Variants in PARP10 observed in about 807,000 individuals in gnomAD.
PARP10 encodes protein mono-ADP-ribosyltransferase PARP10.
Under a neutral mutation model 82.4 loss-of-function variants are expected in PARP10, and 56 were observed. That is an observed-to-expected ratio of 0.68 (90% CI 0.55 to 0.85). The LOEUF (loss-of-function observed/expected upper bound fraction) is 0.85, where lower values mean the gene tolerates loss of function less well. PARP10 is among the 40% of genes least tolerant of loss of function. PARP10 has a pLI of 0.00. For synonymous variants in PARP10, 576 were observed against 601.1 expected, an observed-to-expected ratio of 0.96 and a Z score of 0.61; for missense variants, 1,227 against 1,379.4, an observed-to-expected ratio of 0.89 and a Z score of 1.75.
chr8:143,991,148 C>T (rs948273096), upstream of PARP10: 18 of 1,020,414 alleles, frequency 1.8e-5, no homozygotes, highest in Non-Finnish European at 2.4e-5. Context: ...GGCTGGGTCC[C>T]GACGCTGTCG....
At chr8:144,000,810 C>T (rs1431975761) in intron 1 of PARP10, among the ~76,000 whole-genome samples, 1 of 151,994 alleles carries the variant, frequency 6.6e-6, no homozygotes, top group Non-Finnish European at 1.5e-5. Context: ...ATTGTAATAC[C>T]AGGCCAAGAC....
rs1173951967 is a variant in PARP10, at chr8:143,984,673, C to T, written c.1329G>A (p.Leu443=). 6.2e-7 allele frequency: 1 copy of T among 1,613,996 alleles called. No homozygotes were observed. The highest frequency in any genetic ancestry group is 1.3e-5 in the African/African-American group (1 of 74,892). The part of the protein sequence containing the change: ...GCVKLAGQEG[L]VEMVLLMEPG... ...GCTCCATCAATAGCACCATCTCCAC[C>T]AGGCCCTCCTGCCCTGCCAGCTTCA... is the stretch of plus-strand genomic sequence containing the variant. The change falls in exon 5 of 11, where the codon CTG becomes CTA. Residue 443 remains leucine, a synonymous_variant. Transcript: ENST00000313028.
At chr8:143,981,378 T>C (rs1554747693) in intron 9 of PARP10, among the ~76,000 whole-genome samples, 2 of 92,788 alleles carry the variant, frequency 2.2e-5, no homozygotes, top group Admixed American at 2.1e-4. Flanking sequence ...CGACAGTGAG[T>C]GGTGAAGGTG....
chr8:143,994,798 C>A (rs1342263419), upstream of PARP10, among the ~76,000 whole-genome samples: 1 of 152,194 alleles, frequency 6.6e-6, no homozygotes, highest in African/African-American at 2.4e-5. Flanking sequence ...CCGGCTATTT[C>A]CTGAGCAGGT....
chr8:143,981,193 T>C (rs980728448), intron 9 of PARP10, among the ~76,000 whole-genome samples: 2 of 151,734 alleles, frequency 1.3e-5, no homozygotes, highest in Admixed American at 6.6e-5. Flanking sequence ...GGTCAGTGCG[T>C]CTGGGTGGTG....
upstream of PARP10, chr8:143,991,310 G>GC: frequency 4.3e-6 from 6 of 1,391,536 alleles, no homozygotes; most frequent in Non-Finnish European, 3.9e-6. Context: ...AGCCACCCAT[G>GC]CCCCCCTATG....
chr8:143,977,804 A>C lies in PARP10; in HGVS notation c.2758T>G (p.Phe920Val), dbSNP rs573103244. The change falls in exon 11 of 11, where the codon TTC becomes GTC. Residue 920 changes from phenylalanine to valine, a missense_variant. Physicochemically the swap from Phe to Val is conservative, Grantham distance 50. Transcript: ENST00000313028. ...NATVYGKGVY[F>V]ARRASLSVQD... ...ACCGACAGGGAGGCGCGCCTGGCGAAATACACGCCCTTCCCGTAGACCGTG... is the reference window on the plus strand; with the variant it reads ...ACCGACAGGGAGGCGCGCCTGGCGACATACACGCCCTTCCCGTAGACCGTG... 5 of 1,601,708 alleles carry C rather than the reference A, an allele frequency of 3.1e-6. No individual in the cohort carries two copies. In the East Asian group the frequency reaches 1.1e-4, roughly 36 times the overall value.
Position 144,008,976 on chromosome 8 carries a change from G to C in PARP10, c.-80+3554C>G, listed in dbSNP as rs1351175079. On this transcript the variant is annotated intron_variant, in intron 1 of 3. Coordinates refer to the PARP10 transcript ENST00000530478. The surrounding 1 kb of genome is among the most constrained non-coding windows in gnomAD (Gnocchi z 4.0). ...GAGGCTGCAGCTTAACATTCTGGGGGACCCTGGGGGTCTTTTGAGGGCCTC... is the reference window on the plus strand; with the variant it reads ...GAGGCTGCAGCTTAACATTCTGGGGCACCCTGGGGGTCTTTTGAGGGCCTC... Among the ~76,000 whole-genome samples, 3 of 152,204 alleles carry C rather than the reference G, an allele frequency of 2.0e-5. No homozygotes were observed. Among genetic ancestry groups the C allele is most frequent in the African/African-American group, 4.8e-5 (2 of 41,436 alleles).
At chr8:143,992,907 C>A, upstream of PARP10, 4 of 1,418,788 alleles carry the variant, frequency 2.8e-6, no homozygotes, top group Non-Finnish European at 1.9e-6. Context: ...CCTGGCACGG[C>A]AGTGCCAGCT....
upstream of PARP10, chr8:143,986,825 A>T (rs1833999901): frequency 5.0e-6 from 1 of 201,356 alleles, no homozygotes; most frequent in Admixed American, 5.5e-5. Context: ...CTCTGCACAC[A>T]AAGTGCTGGG....
chr8:143,993,474 G>T (rs1834134020), upstream of PARP10: 1 of 156,316 alleles, frequency 6.4e-6, no homozygotes, highest in Non-Finnish European at 1.4e-5. Context: ...GGGGCTCCAG[G>T]CCCTCCCTGC....
Position 143,983,026 on chromosome 8 carries a change from T to A in PARP10, c.2462A>T (p.Glu821Val), listed in dbSNP as rs781860987. 4 of 1,613,890 alleles carry A rather than the reference T, an allele frequency of 2.5e-6. No individual in the cohort carries two copies. The highest frequency in any genetic ancestry group is 1.7e-5 in the Admixed American group (1 of 60,024). Residue 821 changes from glutamate to valine, a missense_variant, in exon 9 of 11, where the codon GAG (glutamate) becomes GTG (valine). Coordinates refer to ENST00000313028, the MANE Select transcript of PARP10 (RefSeq NM_032789.5). ...CTCCCCGGTGTTCTCTGCCAGACGC[T>A]CCAGGTTGTTCCAGGGCCCCTTCAG... is the stretch of plus-strand genomic sequence containing the variant. ...QTLKGPWNNL[E>V]RLAENTGEFQ...
At position 143,977,763 on chromosome 8, in the gene PARP10, C is replaced by T. The variant is rs1554746615; in HGVS notation, c.2799G>A (p.Ser933=). 6.2e-7 allele frequency: 1 copy of T among 1,604,258 alleles called. No individual in the cohort carries two copies. The highest frequency in any genetic ancestry group is 8.5e-7 in the Non-Finnish European group (1 of 1,176,158). The change falls in exon 11 of 11, where the codon TCG becomes TCA. Residue 933 remains serine, a synonymous_variant. Coordinates refer to ENST00000313028, the MANE Select transcript of PARP10 (RefSeq NM_032789.5). Reference sequence around the variant, plus strand: ...CCTTATGGCCATCGGCGTTGGGGGGCGAGTAGCGGTCCTGCACCGACAGGG... The same window carrying T: ...CCTTATGGCCATCGGCGTTGGGGGGTGAGTAGCGGTCCTGCACCGACAGGG... The part of the protein sequence containing the change: ...RASLSVQDRY[S]PPNADGHKAV...
intron 9 of PARP10, among the ~76,000 whole-genome samples, chr8:143,981,040 G>A (rs1381568101): frequency 6.7e-6 from 1 of 150,204 alleles, no homozygotes; most frequent in African/African-American, 2.5e-5. Context: ...AATCTCTAAA[G>A]CTGTCAAGTG....
upstream of PARP10, among the ~76,000 whole-genome samples, chr8:143,994,825 G>T (rs564287550): frequency 1.2e-4 from 18 of 152,250 alleles, no homozygotes; most frequent in East Asian, 3.3e-3. Flanking sequence ...CCTCCTCTGG[G>T]TGCCCGCCTG....
rs904010008 is a variant in PARP10, at chr8:143,984,922, C to T, written c.1080G>A (p.Glu360=). The T allele has an allele frequency of 6.2e-7, 1 of 1,614,030 alleles. No homozygotes were observed. The highest frequency in any genetic ancestry group is 8.5e-7 in the Non-Finnish European group (1 of 1,180,028). ...SSMPMGSLEH[E]GLVSLRPVGL... ...CCACAGGCCTCAGGCTTACCAGCCC[C>T]TCATGTTCCAGAGACCCCATGGGCA... is the stretch of plus-strand genomic sequence containing the variant. Residue 360 remains glutamate (E), a synonymous_variant, in exon 5 of 11, where the codon GAG becomes GAA. Transcript: ENST00000313028.
chr8:144,012,096 A>T (rs1554752540), intron 1 of PARP10, among the ~76,000 whole-genome samples: 1 of 152,184 alleles, frequency 6.6e-6, no homozygotes, highest in Admixed American at 6.5e-5. Flanking sequence ...CCCTGACCTC[A>T]CTGTAAAGCC....
chr8:143,987,428 C>T (rs1834009504), upstream of PARP10, among the ~76,000 whole-genome samples: 1 of 152,232 alleles, frequency 6.6e-6, no homozygotes, highest in South Asian at 2.1e-4. Context: ...ACCTCTGCTG[C>T]CCCGACCCTG....
chr8:143,983,084 C>T lies in PARP10; in HGVS notation c.2423-19G>A, dbSNP rs782255583. On this transcript the variant is annotated intron_variant, in intron 8 of 10. Transcript: ENST00000313028. ...CCCGCCACTGATGCATGGGGAAAAG[C>T]GGGGGGTCAGAGCCATGCCTGGGGC... is the stretch of plus-strand genomic sequence containing the variant. 13 of 1,613,678 alleles carry T rather than the reference C, an allele frequency of 8.1e-6. No homozygotes were observed. The highest frequency in any genetic ancestry group is 4.5e-5 in the East Asian group (2 of 44,898).
Sources: gnomAD v4.1 joint callset for allele counts (sites outside exome capture counted in the v4.1 genomes callset) on GRCh38, gnomAD v4.1.1 for gene constraint, Gnocchi (gnomAD v3.1) non-coding constraint, MANE v1.5 for transcripts, NCBI Gene and HGNC (gene_info 2026-07-23, HGNC 2026-07-21) for gene names.